MCM4: variants seen among roughly 807,000 people sequenced by gnomAD.
The protein encoded by MCM4 is minichromosome maintenance complex component 4, also known as DNA replication licensing factor MCM4.
MCM4 carries 60 observed loss-of-function variants against 88.7 expected under a neutral mutation model. The ratio of observed to expected loss-of-function variants is 0.68; its 90% CI spans 0.55 to 0.84. The LOEUF (loss-of-function observed/expected upper bound fraction) is 0.84. Among genes scored for constraint, MCM4 ranks in the 40% least tolerant of loss-of-function variants. The pLI is 0.00. For missense variants in MCM4, 1,149 were observed against 1,105.5 expected, an observed-to-expected ratio of 1.04 and a Z score of -0.56; for synonymous variants, 465 against 410.5, an observed-to-expected ratio of 1.13 and a Z score of -1.61.
chr8:47,967,061 A>G (rs951396646), intron 9 of MCM4, among the ~76,000 whole-genome samples: 7 of 152,236 alleles, frequency 4.6e-5, no homozygotes, highest in Non-Finnish European at 7.3e-5. Flanking sequence ...AGAAAAGCCC[A>G]GCATCCTTAG....
intron 13 of MCM4, 120 bp from the exon 14 acceptor site, chr8:47,972,737 A>T: frequency 1.5e-6 from 1 of 681,450 alleles, no homozygotes; most frequent in Non-Finnish European, 2.5e-6. Context: ...TTGCATTTTT[A>T]GTAGAGACAA....
chr8:47,963,102 T>C lies in MCM4; in HGVS notation c.693+62T>C, dbSNP rs2090862359. On this transcript the variant is annotated intron_variant, in intron 7 of 16. Transcript: ENST00000649973. ...ACAGTCTAGAAAGAATGTTTCCAGA[T>C]AACAGAAATTCTTCAGTAATGAAGA... 6.1e-6 allele frequency: 6 copies of C among 980,562 alleles called. No individual in the cohort carries two copies. In the Admixed American group the frequency reaches 1.2e-4, roughly 19 times the overall value. The allele number at this position is 980,562 out of a possible 1,614,324, so 60.7% of individuals were successfully genotyped here.
chr8:47,975,198 C>CT, intron 15 of MCM4: 4 of 404,344 alleles, frequency 9.9e-6, no homozygotes, highest in African/African-American at 2.1e-5. Context: ...TTTTTTTATA[C>CT]TTTAAGTTTT....
At chr8:47,975,251 C>CA in intron 15 of MCM4, 2 of 286,578 alleles carry the variant, frequency 7.0e-6, no homozygotes, top group South Asian at 8.3e-5. Flanking sequence ...CATATGTACG[C>CA]ATGTGCCATG....
chr8:47,961,504 G>C lies in MCM4; in HGVS notation c.71-12G>C. The C allele has an allele frequency of 6.2e-7, 1 of 1,613,720 alleles. No individual in the cohort carries two copies. Among genetic ancestry groups the C allele is most frequent in the Non-Finnish European group, 8.5e-7 (1 of 1,180,040 alleles). On this transcript the variant is annotated splice_polypyrimidine_tract_variant and intron_variant, in intron 2 of 16. Transcript: ENST00000649973. ...AGTTAATGGCTGTCTTTTCTGTTTT[G>C]TGTGACACAAGCTCGGAGTGAGGAT... is the stretch of plus-strand genomic sequence containing the variant.
At chr8:47,975,087 A>T in intron 15 of MCM4, 125 bp downstream of exon 15, 1 of 727,498 alleles carries the variant, frequency 1.4e-6, no homozygotes, top group Non-Finnish European at 2.2e-6. Context: ...TTTTTGGATT[A>T]GGACCCCTTT....
rs763057383 is a variant in MCM4, at chr8:47,962,416, A to C, written c.501+10A>C. Reference sequence around the variant, plus strand: ...CAAAGAAAACTTTCAGGTGAGCTACATGTATTAAAATTCTTACTTTGGGCT... The same window carrying C: ...CAAAGAAAACTTTCAGGTGAGCTACCTGTATTAAAATTCTTACTTTGGGCT... On this transcript the variant is annotated intron_variant, in intron 5 of 16. Coordinates refer to ENST00000649973, the MANE Select transcript of MCM4 (RefSeq NM_182746.3). 1 of 1,613,050 alleles carries C rather than the reference A, an allele frequency of 6.2e-7. No homozygotes were observed. The highest frequency in any genetic ancestry group is 8.5e-7 in the Non-Finnish European group (1 of 1,179,020).
At chr8:47,969,483 C>T (rs1276943407) in intron 10 of MCM4, 1 of 314,218 alleles carries the variant, frequency 3.2e-6, no homozygotes, top group African/African-American at 2.1e-5. Context: ...GTCTCGAACT[C>T]CCAACCTCAG....
chr8:47,969,815 C>T lies in MCM4; in HGVS notation c.1192C>T (p.Pro398Ser), dbSNP rs921827969. 1 of 1,614,232 alleles carries T rather than the reference C, an allele frequency of 6.2e-7. No individual in the cohort carries two copies. The highest frequency in any genetic ancestry group is 1.1e-5 in the South Asian group (1 of 91,088). The change falls in exon 11 of 17, where the codon CCT becomes TCT. Residue 398 changes from proline (P) to serine (S), a missense_variant. Physicochemically the swap from Pro to Ser is moderately conservative, Grantham distance 74 (BLOSUM62 -1). Around this residue, in one of 3 missense-constraint regions of MCM4, gnomAD observed 906 missense variants for 843.0 expected, o/e 1.07. Coordinates refer to ENST00000649973, the MANE Select transcript of MCM4 (RefSeq NM_182746.3). ...VNVTGIYRAV[P>S]IRVNPRVSNV... ...GCCCTCAGGCATCTATCGAGCTGTG[C>T]CTATTCGAGTCAATCCAAGAGTGAG...
chr8:47,970,392 C>A, intron 11 of MCM4, 119 bp from the exon 12 acceptor site: 1 of 1,323,596 alleles, frequency 7.6e-7, no homozygotes, highest in Non-Finnish European at 1.0e-6. Flanking sequence ...CTTTTTATAC[C>A]TTCCTGTGAT....
chr8:47,975,214 AC>A (rs1356439675), intron 15 of MCM4: 8 of 374,982 alleles, frequency 2.1e-5, no homozygotes, highest in Middle Eastern at 8.0e-4. Flanking sequence ...GTTTTAGGGT[AC>A]ATGTGCACAA....
intron 7 of MCM4, among the ~76,000 whole-genome samples, chr8:47,963,834 A>C (rs1269607622): frequency 6.6e-6 from 1 of 152,260 alleles, no homozygotes; most frequent in African/African-American, 2.4e-5. Context: ...TACTGGCTGC[A>C]TAACCTTGGT....
chr8:47,969,749 G>A (rs186008174), intron 10 of MCM4, 49 bp from the exon 11 acceptor site: 68 of 1,604,962 alleles, frequency 4.2e-5, no homozygotes, highest in African/African-American at 4.0e-4. Context: ...TGAGCCACTC[G>A]GAGGAAGATA....
intron 10 of MCM4, chr8:47,969,538 A>T (rs543454474): frequency 1.9e-4 from 91 of 491,558 alleles, no homozygotes; most frequent in Non-Finnish European, 3.0e-4. Flanking sequence ...GATTACAGAC[A>T]TGAGCCACCT....
At chr8:47,968,624 C>T (rs561143940) in intron 10 of MCM4, among the ~76,000 whole-genome samples, 1 of 152,228 alleles carries the variant, frequency 6.6e-6, no homozygotes, top group East Asian at 1.9e-4. Context: ...ATCTTCCATC[C>T]CTAGCCTATA....
chr8:47,974,478 C>T (rs947055687), intron 14 of MCM4: 44 of 444,294 alleles, frequency 9.9e-5, no homozygotes, highest in African/African-American at 8.7e-4. Context: ...TAGATGCCAC[C>T]CTCTCCAAGA....
At chr8:47,974,161 C>A (rs557734262) in intron 14 of MCM4, 2 of 152,782 alleles carry the variant, frequency 1.3e-5, no homozygotes, top group South Asian at 2.1e-4. Flanking sequence ...ATGAGCTTTG[C>A]ATCCTAACTG....
chr8:47,976,967 A>G lies in MCM4; in HGVS notation c.*189A>G, dbSNP rs2091007116. The stretch of plus-strand genomic sequence containing the variant: ...CTGTTTTCATTTTTTTCACGTTATA[A>G]ATAAAAATACTATGCTGGCCGGGCG... On this transcript the variant is annotated 3_prime_UTR_variant, in exon 17 of 17. Coordinates refer to ENST00000649973, the MANE Select transcript of MCM4 (RefSeq NM_182746.3). 2 of 484,816 alleles carry G rather than the reference A, an allele frequency of 4.1e-6. No individual in the cohort carries two copies. The highest frequency in any genetic ancestry group is 4.5e-5 in the South Asian group (2 of 43,982). The allele number at this position is 484,816 out of a possible 1,614,324, so 30.0% of individuals were successfully genotyped here.
rs1257272106 is a variant in MCM4, at chr8:47,973,034, A to T, written c.2106A>T (p.Leu702=). Residue 702 remains leucine (L), a synonymous_variant, in exon 14 of 17, where the codon CTA becomes CTT. Coordinates refer to ENST00000649973, the MANE Select transcript of MCM4 (RefSeq NM_182746.3). ...CGCACAGCACCATCATGCCGCGGCTAAGTGAGGAAGCCAGCCAGGCTCTCA... is the reference window on the plus strand; with the variant it reads ...CGCACAGCACCATCATGCCGCGGCTTAGTGAGGAAGCCAGCCAGGCTCTCA... The part of the protein sequence containing the change: ...AYAHSTIMPR[L]SEEASQALIE... 6.2e-7 allele frequency: 1 copy of T among 1,613,788 alleles called. No individual in the cohort carries two copies. Among genetic ancestry groups the T allele is most frequent in the Admixed American group, 1.7e-5 (1 of 59,994 alleles).
Sources: gnomAD v4.1 joint callset for allele counts (sites outside exome capture counted in the v4.1 genomes callset) on GRCh38, gnomAD v4.1.1 for gene constraint, gnomAD v4.1.1 regional missense constraint, MANE v1.5 for transcripts, NCBI Gene and HGNC (gene_info 2026-07-23, HGNC 2026-07-21) for gene names.